The following SYNJ2 variants were observed in gnomAD, a reference collection of about 807,000 sequenced individuals.
SYNJ2 encodes synaptojanin 2, also known as polyphosphatidylinositol phosphatase SYNJ2.
SYNJ2 carries 116 observed loss-of-function variants against 141.3 expected under a neutral mutation model. That is an observed-to-expected ratio of 0.82 (90% CI 0.71 to 0.96). The LOEUF is 0.96. Among genes scored for constraint, SYNJ2 ranks in the 40% least tolerant of loss-of-function variants. The probability of loss-of-function intolerance (pLI) is 0.00; values close to 1 mark genes in which losing one functional copy is unlikely to be tolerated. For synonymous variants in SYNJ2, 745 were observed against 777.7 expected (o/e 0.96, Z 0.70); for missense variants, 1,873 against 1,934.8 (o/e 0.97, Z 0.60).
At position 158,005,227 on chromosome 6, in the gene SYNJ2, G is replaced by A. The variant is rs1199236734; in HGVS notation, c.128-11977G>A. Among the ~76,000 whole-genome samples, 8 of 151,936 alleles carry A rather than the reference G, an allele frequency of 5.3e-5. No homozygotes were observed. In the South Asian group the frequency reaches 6.2e-4, roughly 12 times the overall value. ...CTAGTAGCTGGGACTACAGGTGCCC[G>A]CAACGACGCCCGGCTAATTTTTTGT... On this transcript the variant is annotated intron_variant, in intron 1 of 26. Coordinates refer to ENST00000355585, the MANE Select transcript of SYNJ2 (RefSeq NM_003898.4).
chr6:158,072,490 A>G (rs573331445), intron 15 of SYNJ2, among the ~76,000 whole-genome samples: 1 of 152,318 alleles, frequency 6.6e-6, no homozygotes, highest in East Asian at 1.9e-4. Flanking sequence ...GTGAGGATAG[A>G]CTTCAGCTGT....
At position 158,084,250 on chromosome 6, in the gene SYNJ2, G is replaced by A. The variant is rs1284143481; in HGVS notation, c.3208+76G>A. The A allele has an allele frequency of 2.5e-5, 37 of 1,492,142 alleles. No homozygotes were observed. The highest frequency in any genetic ancestry group is 2.8e-5 in the Non-Finnish European group (31 of 1,103,718). 92.4% of individuals were successfully genotyped at this position (1,492,142 alleles called of 1,614,324 possible). ...GACAGACTTTCCTTTTTCTCTTGGC[G>A]ATTGGGCACTGTGTGATATCAAGTA... On this transcript the variant is annotated intron_variant, in intron 22 of 26. Coordinates refer to ENST00000355585, the MANE Select transcript of SYNJ2 (RefSeq NM_003898.4). The surrounding 1 kb of genome is among the most constrained non-coding windows in gnomAD (Gnocchi z 5.0).
At position 158,069,706 on chromosome 6, in the gene SYNJ2, A is replaced by G. The variant is rs377357613; in HGVS notation, c.1940+33A>G. On this transcript the variant is annotated intron_variant, in intron 14 of 26. Transcript: ENST00000355585. ...CATTCTGTTTACACACATCTGGGGAACAAGGGGTTGTTAGTCTTTGTGTTT... is the reference window on the plus strand; with the variant it reads ...CATTCTGTTTACACACATCTGGGGAGCAAGGGGTTGTTAGTCTTTGTGTTT... The G allele has an allele frequency of 2.6e-6, 4 of 1,567,214 alleles. No homozygotes were observed. In the African/African-American group the frequency reaches 4.1e-5, roughly 16 times the overall value.
At chr6:157,988,778 G>A (rs933047429) in intron 1 of SYNJ2, among the ~76,000 whole-genome samples, 3 of 152,148 alleles carry the variant, frequency 2.0e-5, no homozygotes, top group African/African-American at 4.8e-5. Context: ...TGTTGGTGTC[G>A]TGGCCAGCTG....
intron 4 of SYNJ2, among the ~76,000 whole-genome samples, chr6:158,037,745 T>G (rs1394866916): frequency 3.9e-5 from 6 of 152,176 alleles, no homozygotes; most frequent in African/African-American, 1.4e-4. Context: ...AGACCCTATT[T>G]CCAAACAAGT....
intron 4 of SYNJ2, among the ~76,000 whole-genome samples, chr6:158,037,507 T>C (rs1216921259): frequency 6.7e-6 from 1 of 149,354 alleles, no homozygotes; most frequent in Non-Finnish European, 1.5e-5. Context: ...GTTCACACCA[T>C]TCTCCTGCCT....
In SYNJ2 at chr6:158,078,158, G is replaced by A. The variant is rs374003372; in HGVS notation, c.2450-6G>A. On this transcript the variant is annotated splice_region_variant and splice_polypyrimidine_tract_variant and intron_variant, in intron 17 of 26. Coordinates refer to ENST00000355585, the MANE Select transcript of SYNJ2 (RefSeq NM_003898.4). The stretch of plus-strand genomic sequence containing the variant: ...TGGGTCTCTCGAATGGAACCCCTGC[G>A]AGTAGCTGGAGAACTCAACCTTCTA... The A allele has an allele frequency of 1.2e-5, 19 of 1,590,402 alleles. No individual in the cohort carries two copies. Among genetic ancestry groups the A allele is most frequent in the African/African-American group, 1.1e-4 (8 of 74,316 alleles).
At position 158,007,236 on chromosome 6, in the gene SYNJ2, G is replaced by A. The variant is rs535897822; in HGVS notation, c.128-9968G>A. The stretch of plus-strand genomic sequence containing the variant: ...TCCCATCTCAGCCTCCCAAAGTGCT[G>A]GGATTAGAGGCAGGAGCCCCCACAC... On this transcript the variant is annotated intron_variant, in intron 1 of 26. Transcript: ENST00000355585. Among the ~76,000 whole-genome samples, 4 of 152,318 alleles carry A rather than the reference G, an allele frequency of 2.6e-5. No individual in the cohort carries two copies. The East Asian group carries it at 7.7e-4, about 29-fold the overall frequency.
intron 1 of SYNJ2, among the ~76,000 whole-genome samples, chr6:157,986,844 C>T (rs1777225502): frequency 6.6e-6 from 1 of 151,996 alleles, no homozygotes; most frequent in African/African-American, 2.4e-5. Flanking sequence ...TTCACTTGTC[C>T]CTGTATTTTT....
At position 158,071,540 on chromosome 6, in the gene SYNJ2, G is replaced by T; in HGVS notation, c.1941-62G>T. Reference sequence around the variant, plus strand: ...AGCTGCTGCTGGGCCCTTCTCTGTGGCAAAGCAGGGTCACACTTCTCCTTC... The same window carrying T: ...AGCTGCTGCTGGGCCCTTCTCTGTGTCAAAGCAGGGTCACACTTCTCCTTC... On this transcript the variant is annotated intron_variant, in intron 14 of 26. Coordinates refer to ENST00000355585, the MANE Select transcript of SYNJ2 (RefSeq NM_003898.4). The surrounding 1 kb of genome is among the most constrained non-coding windows in gnomAD (Gnocchi z 4.3). 1 of 1,556,986 alleles carries T rather than the reference G, an allele frequency of 6.4e-7. No individual in the cohort carries two copies. The highest frequency in any genetic ancestry group is 8.7e-7 in the Non-Finnish European group (1 of 1,150,166).
Position 158,071,633 on chromosome 6 carries a change from A to AT in SYNJ2, c.1973dup (p.Met658IlefsTer27), listed in dbSNP as rs1262664284. ...AGCCATCGACACAGTGAAGACGGGC[A>AT]TGGGGGGCAAGGCGGGGAACAAGGG... On this transcript the variant is annotated frameshift_variant, in exon 15 of 27. Coordinates refer to ENST00000355585, the MANE Select transcript of SYNJ2 (RefSeq NM_003898.4). LOFTEE classifies it high-confidence loss of function. The surrounding 1 kb of genome is among the most constrained non-coding windows in gnomAD (Gnocchi z 4.3). 1.8e-5 allele frequency: 29 copies of AT among 1,614,034 alleles called. No individual in the cohort carries two copies. Among genetic ancestry groups the AT allele is most frequent in the Non-Finnish European group, 2.4e-5 (28 of 1,180,014 alleles).
At chr6:157,999,485 G>A (rs1034098351) in intron 1 of SYNJ2, among the ~76,000 whole-genome samples, 11 of 152,240 alleles carry the variant, frequency 7.2e-5, no homozygotes, top group Non-Finnish European at 1.5e-4. Context: ...TTCCAGACAA[G>A]CCCAGATTGA....
intron 3 of SYNJ2, among the ~76,000 whole-genome samples, chr6:158,030,057 C>T (rs374226472): frequency 4.6e-5 from 7 of 152,266 alleles, no homozygotes; most frequent in African/African-American, 1.2e-4. Context: ...AGACTAGTCC[C>T]GGAGCCCAGG....
intron 2 of SYNJ2, among the ~76,000 whole-genome samples, chr6:158,021,401 T>G (rs1562330174): frequency 6.6e-6 from 1 of 152,218 alleles, no homozygotes; most frequent in Non-Finnish European, 1.5e-5. Context: ...GAGGTCCACA[T>G]GGGCCATGCA....
intron 4 of SYNJ2, among the ~76,000 whole-genome samples, chr6:158,039,911 C>T (rs1779848795): frequency 6.6e-6 from 1 of 152,178 alleles, no homozygotes; most frequent in African/African-American, 2.4e-5. Context: ...ACCAGCCAGG[C>T]CCGCTGACCA....
chr6:158,019,139 C>G (rs1404993690), intron 2 of SYNJ2, among the ~76,000 whole-genome samples: 1 of 152,204 alleles, frequency 6.6e-6, no homozygotes, highest in Non-Finnish European at 1.5e-5. Context: ...GCCTCACAGT[C>G]TTGGCTTCCT....
chr6:158,059,917 TCTC>T (rs1236200812), intron 7 of SYNJ2, among the ~76,000 whole-genome samples: 3 of 152,170 alleles, frequency 2.0e-5, no homozygotes, highest in Non-Finnish European at 4.4e-5. Context: ...AAACAGAGCA[TCTC>T]CTGTCCCCAG....
intron 2 of SYNJ2, 24 bp from the exon 3 acceptor site, chr6:158,028,732 T>C (rs370414566): frequency 2.3e-5 from 37 of 1,610,014 alleles, no homozygotes; most frequent in Non-Finnish European, 2.9e-5. Flanking sequence ...GACCCTGAGC[T>C]CTCCTGTCTG....
At chr6:158,065,449 G>A (rs944428190) in intron 11 of SYNJ2, among the ~76,000 whole-genome samples, 3 of 152,106 alleles carry the variant, frequency 2.0e-5, no homozygotes, top group Admixed American at 6.5e-5. Flanking sequence ...CATCCCCTGG[G>A]GATGAGGGCA....
Sources: allele counts gnomAD v4.1 joint callset (sites outside exome capture counted in the v4.1 genomes callset), GRCh38; gene constraint gnomAD v4.1.1; non-coding constraint Gnocchi (gnomAD v3.1); transcripts MANE v1.5; gene names NCBI Gene and HGNC (gene_info 2026-07-23, HGNC 2026-07-21).